Variants in TTC28 observed in about 807,000 individuals in gnomAD.
TTC28 encodes tetratricopeptide repeat domain 28, also known as tetratricopeptide repeat protein 28.
Under a neutral mutation model 198.0 loss-of-function variants are expected in TTC28, and 61 were observed. The ratio of observed to expected loss-of-function variants is 0.31; its 90% CI spans 0.25 to 0.38. The LOEUF is 0.38. Ranked by LOEUF, TTC28 falls within the 10% of genes least tolerant of loss-of-function variation. The pLI is 1.00. For missense variants in TTC28, 2,678 were observed against 3,164.0 expected (o/e 0.85, Z 3.69); for synonymous variants, 1,171 against 1,297.8 (o/e 0.90, Z 2.10).
At chr22:28,565,526 C>T (rs1229174414) in intron 2 of TTC28, among the ~76,000 whole-genome samples, 1 of 152,198 alleles carries the variant, frequency 6.6e-6, no homozygotes, top group Non-Finnish European at 1.5e-5. Context: ...CTGCACTTCC[C>T]AGCCAAGCTC....
Position 28,014,237 on chromosome 22 carries a change from G to A in TTC28, c.4218+11C>T. The A allele has an allele frequency of 1.3e-6, 2 of 1,547,778 alleles. No homozygotes were observed. Among genetic ancestry groups the A allele is most frequent in the Non-Finnish European group, 1.7e-6 (2 of 1,145,036 alleles). The stretch of plus-strand genomic sequence containing the variant: ...ATGCGGAGGAGCCTTGTGCCCCCAG[G>A]AGGTGCTTACCCCTTCCATGGGCGC... On this transcript the variant is annotated intron_variant, in intron 14 of 22. Coordinates refer to ENST00000397906, the MANE Select transcript of TTC28 (RefSeq NM_001145418.2).
At position 28,348,141 on chromosome 22, in the gene TTC28, A is replaced by G. The variant is rs569323487; in HGVS notation, c.382-41498T>C. Among the ~76,000 whole-genome samples, 11 of 152,326 alleles carry G rather than the reference A, an allele frequency of 7.2e-5. No individual in the cohort carries two copies. In the South Asian group the frequency reaches 2.3e-3, roughly 32 times the overall value. ...TAGTGCTTAGGGCTGTTATAGAAGA[A>G]GATTCCCGTAGGGTAAAATTTGTAG... On this transcript the variant is annotated intron_variant, in intron 2 of 22. Coordinates refer to ENST00000397906, the MANE Select transcript of TTC28 (RefSeq NM_001145418.2).
chr22:28,192,901 G>C (rs569407717), intron 5 of TTC28, among the ~76,000 whole-genome samples: 39 of 152,288 alleles, frequency 2.6e-4, no homozygotes, highest in African/African-American at 8.7e-4. Flanking sequence ...CCCCAACCTA[G>C]CAAGGCAGGC....
chr22:28,042,371 ACATATACAC>A (rs1282201159), intron 12 of TTC28, among the ~76,000 whole-genome samples: 4 of 152,216 alleles, frequency 2.6e-5, no homozygotes, highest in South Asian at 4.1e-4. Flanking sequence ...AAAATGTGGC[ACATATACAC>A]CATGGAATAC....
At chr22:28,558,384 A>G (rs534486000) in intron 2 of TTC28, among the ~76,000 whole-genome samples, 74 of 152,338 alleles carry the variant, frequency 4.9e-4, no homozygotes, top group African/African-American at 1.8e-3. Flanking sequence ...CAGCATGTCA[A>G]AAATATTGGC....
intron 8 of TTC28, 54 bp from the exon 9 acceptor site, chr22:28,101,334 T>A (rs925615884): frequency 1.2e-5 from 17 of 1,366,400 alleles, no homozygotes; most frequent in Non-Finnish European, 1.5e-5. Flanking sequence ...AATTCCACTA[T>A]CCTAAGGAGT....
intron 2 of TTC28, among the ~76,000 whole-genome samples, chr22:28,517,827 T>C (rs2048820167): frequency 6.6e-6 from 1 of 152,214 alleles, no homozygotes; most frequent in South Asian, 2.1e-4. Context: ...TTACAACTCT[T>C]TACATCAATA....
intron 20 of TTC28, 42 bp downstream of exon 20, chr22:27,990,747 G>A (rs1417281279): frequency 6.5e-7 from 1 of 1,545,308 alleles, no homozygotes. Context: ...GGTGGGTTGA[G>A]GGGCTCACCT....
At chr22:28,004,308 A>G (rs1350174153) in intron 14 of TTC28, among the ~76,000 whole-genome samples, 3 of 152,210 alleles carry the variant, frequency 2.0e-5, no homozygotes, top group Non-Finnish European at 1.5e-5. Context: ...TGAGCCCTGC[A>G]AAGCATTGAG....
intron 5 of TTC28, among the ~76,000 whole-genome samples, chr22:28,170,878 C>T (rs931936642): frequency 6.6e-6 from 1 of 152,098 alleles, no homozygotes; most frequent in Non-Finnish European, 1.5e-5. Flanking sequence ...TCACCCAGCT[C>T]TTCAACCATT....
At chr22:28,026,208 G>A (rs778341257) in intron 13 of TTC28, among the ~76,000 whole-genome samples, 6 of 152,204 alleles carry the variant, frequency 3.9e-5, no homozygotes, top group Non-Finnish European at 8.8e-5. Flanking sequence ...GCAGGGAAAA[G>A]CTCTGCAGGG....
At chr22:28,609,461 AC>A (rs2050783854) in intron 2 of TTC28, among the ~76,000 whole-genome samples, 1 of 152,094 alleles carries the variant, frequency 6.6e-6, no homozygotes, top group Non-Finnish European at 1.5e-5. Context: ...GCGTCGCCTT[AC>A]CCGGGAAGCA....
At chr22:28,446,410 C>A (rs974152601) in intron 2 of TTC28, among the ~76,000 whole-genome samples, 24 of 152,276 alleles carry the variant, frequency 1.6e-4, no homozygotes, top group African/African-American at 5.5e-4. Context: ...TTTATCCCCT[C>A]CAAATCTCAT....
intron 2 of TTC28, among the ~76,000 whole-genome samples, chr22:28,561,231 G>A (rs575090705): frequency 6.6e-5 from 10 of 151,100 alleles, no homozygotes; most frequent in African/African-American, 1.5e-4. Context: ...CCACCGCCAC[G>A]CCCGGCCAAT....
intron 2 of TTC28, among the ~76,000 whole-genome samples, chr22:28,424,084 G>A (rs1166941613): frequency 1.3e-5 from 2 of 150,944 alleles, no homozygotes; most frequent in East Asian, 3.9e-4. Flanking sequence ...AGGAATACAG[G>A]AAATTAGGCT....
chr22:28,464,517 T>A (rs1411234216), intron 2 of TTC28, among the ~76,000 whole-genome samples: 1 of 152,234 alleles, frequency 6.6e-6, no homozygotes, highest in Admixed American at 6.5e-5. Flanking sequence ...TCTTGATTTT[T>A]ATTTTTCAAT....
intron 2 of TTC28, among the ~76,000 whole-genome samples, chr22:28,318,724 A>G (rs2045394130): frequency 6.7e-6 from 1 of 150,142 alleles, no homozygotes; most frequent in Non-Finnish European, 1.5e-5. Flanking sequence ...CTGTTTTTTC[A>G]TTTTGATACA....
intron 5 of TTC28, among the ~76,000 whole-genome samples, chr22:28,225,791 C>G (rs924976644): frequency 6.6e-6 from 1 of 152,174 alleles, no homozygotes; most frequent in Non-Finnish European, 1.5e-5. Flanking sequence ...TTTGTCCTAC[C>G]TCCTTACCCC....
intron 2 of TTC28, among the ~76,000 whole-genome samples, chr22:28,536,194 G>A (rs1208314923): frequency 3.0e-4 from 20 of 66,388 alleles, no homozygotes; most frequent in Non-Finnish European, 1.7e-4. Flanking sequence ...GCGAGACACC[G>A]TCTCAAAAAA....
Sources: allele counts gnomAD v4.1 joint callset (sites outside exome capture counted in the v4.1 genomes callset), GRCh38; gene constraint gnomAD v4.1.1; transcripts MANE v1.5; gene names NCBI Gene and HGNC (gene_info 2026-07-23, HGNC 2026-07-21).